KPNA1: variants seen among roughly 807,000 people sequenced by gnomAD.
KPNA1 encodes the protein karyopherin subunit alpha 1, also known as importin subunit alpha-5.
Under a neutral mutation model 70.5 loss-of-function variants are expected in KPNA1, and 10 were observed. The observed-to-expected ratio is 0.14, with a 90% CI of 0.09 to 0.24. The LOEUF (loss-of-function observed/expected upper bound fraction) is 0.24. Ranked by LOEUF, KPNA1 falls within the 10% of genes least tolerant of loss-of-function variation. KPNA1 has a pLI of 1.00. For synonymous variants in KPNA1, 192 were observed against 221.9 expected, an observed-to-expected ratio of 0.87 and a Z score of 1.20; for missense variants, 397 against 637.9, an observed-to-expected ratio of 0.62 and a Z score of 4.07.
chr3:122,446,426 G>A (rs868145240), intron 9 of KPNA1, among the ~76,000 whole-genome samples: 1 of 152,066 alleles, frequency 6.6e-6, no homozygotes, highest in African/African-American at 2.4e-5. Context: ...ATGACTACTG[G>A]GTAAATAACG....
intron 2 of KPNA1, among the ~76,000 whole-genome samples, chr3:122,471,033 T>C (rs961385993): frequency 6.6e-5 from 10 of 152,308 alleles, no homozygotes; most frequent in Non-Finnish European, 1.0e-4. Flanking sequence ...TCTTCCATCA[T>C]TGGTTCAAGG....
intron 1 of KPNA1, among the ~76,000 whole-genome samples, chr3:122,511,377 A>T (rs1467216530): frequency 6.6e-6 from 1 of 152,264 alleles, no homozygotes; most frequent in Non-Finnish European, 1.5e-5. Flanking sequence ...TCTTGTTAAT[A>T]TGAAGGAGAT....
At chr3:122,501,323 G>C (rs1297454863) in intron 1 of KPNA1, among the ~76,000 whole-genome samples, 2 of 152,124 alleles carry the variant, frequency 1.3e-5, no homozygotes, top group Non-Finnish European at 2.9e-5. Context: ...ACCACGCCCA[G>C]CATCCTTTCT....
intron 2 of KPNA1, 22 bp downstream of exon 2, chr3:122,496,415 T>G: frequency 6.2e-7 from 1 of 1,601,024 alleles, no homozygotes; most frequent in Non-Finnish European, 8.5e-7. Flanking sequence ...TTAAAAGAAA[T>G]GAATAAAGGT....
chr3:122,485,213 C>A (rs1323046487), intron 2 of KPNA1, among the ~76,000 whole-genome samples: 1 of 152,026 alleles, frequency 6.6e-6, no homozygotes, highest in Non-Finnish European at 1.5e-5. Context: ...TGCACCCAGA[C>A]CAAAACAATT....
chr3:122,446,733 A>G lies in KPNA1; in HGVS notation c.917+2841T>C, dbSNP rs558120754. The stretch of plus-strand genomic sequence containing the variant: ...CTTCAAAAAAATAAATGAATCCAGG[A>G]GCTGGTGTTTTGAAAAGATCAACAA... On this transcript the variant is annotated intron_variant, in intron 9 of 13. Transcript: ENST00000344337. Among the ~76,000 whole-genome samples the G allele has an allele frequency of 2.2e-3, 337 of 152,362 alleles. 2 individuals are homozygous for G. The highest frequency in any genetic ancestry group is 7.9e-3 in the African/African-American group (328 of 41,584).
intron 12 of KPNA1, chr3:122,432,323 C>G (rs1226555513): frequency 6.6e-6 from 1 of 152,174 alleles, no homozygotes; most frequent in Non-Finnish European, 1.5e-5. Flanking sequence ...CTGAAATAAC[C>G]TGCCCATGAT....
chr3:122,494,298 CTTGAG>C (rs1244524029), intron 2 of KPNA1, among the ~76,000 whole-genome samples: 1 of 152,132 alleles, frequency 6.6e-6, no homozygotes, highest in Non-Finnish European at 1.5e-5. Flanking sequence ...TTGAATCCAT[CTTGAG>C]TTAATTTTTG....
At chr3:122,513,547 T>C (rs1444578474) in intron 1 of KPNA1, among the ~76,000 whole-genome samples, 1 of 152,112 alleles carries the variant, frequency 6.6e-6, no homozygotes. Context: ...GCCTTGCTGG[T>C]GGCATCCGCC....
At chr3:122,475,524 A>C (rs1015136925) in intron 2 of KPNA1, among the ~76,000 whole-genome samples, 18 of 152,218 alleles carry the variant, frequency 1.2e-4, no homozygotes, top group African/African-American at 4.1e-4. Flanking sequence ...GGACCTACAA[A>C]AGACCCCAAA....
At chr3:122,511,254 T>C (rs1559773904) in intron 1 of KPNA1, among the ~76,000 whole-genome samples, 1 of 152,190 alleles carries the variant, frequency 6.6e-6, no homozygotes, top group African/African-American at 2.4e-5. Flanking sequence ...ACCTGCCTTG[T>C]TGCTCACAGA....
chr3:122,433,425 A>G (rs569001968), intron 12 of KPNA1, among the ~76,000 whole-genome samples: 1 of 152,190 alleles, frequency 6.6e-6, no homozygotes, highest in Non-Finnish European at 1.5e-5. Context: ...ATTGTTTTTC[A>G]GCAAAAAGAA....
Position 122,435,181 on chromosome 3 carries a change from T to TAC in KPNA1, c.1123-1395_1123-1394dup, listed in dbSNP as rs376986867. 3.2e-3 allele frequency among the ~76,000 whole-genome samples: 494 copies of TAC among 152,234 alleles called. 3 individuals carry two copies. Among genetic ancestry groups the TAC allele is most frequent in the African/African-American group, 0.011 (475 of 41,530 alleles). On this transcript the variant is annotated intron_variant, in intron 11 of 13. Coordinates refer to ENST00000344337, the MANE Select transcript of KPNA1 (RefSeq NM_002264.4). Reference sequence around the variant, plus strand: ...GGATACAATGTAATGGATGCTTCAATACACACACACAAACACACACACACA... The same window carrying TAC: ...GGATACAATGTAATGGATGCTTCAATACACACACACACAAACACACACACACA...
chr3:122,441,927 G>C, intron 10 of KPNA1, 111 bp downstream of exon 10: 1 of 861,102 alleles, frequency 1.2e-6, no homozygotes. Flanking sequence ...TAGTGTAACA[G>C]AGTATCAAGT....
chr3:122,450,767 G>A (rs2107735562), intron 8 of KPNA1, among the ~76,000 whole-genome samples: 1 of 152,254 alleles, frequency 6.6e-6, no homozygotes, highest in South Asian at 2.1e-4. Flanking sequence ...CTACCCAGAG[G>A]AAAAGAGGTC....
chr3:122,442,013 A>C, intron 10 of KPNA1, 25 bp downstream of exon 10: 10 of 1,551,858 alleles, frequency 6.4e-6, no homozygotes, highest in Non-Finnish European at 7.1e-6. Context: ...TTAAAGGACA[A>C]AAAAAAGTTA....
chr3:122,496,907 T>C (rs2076768336), intron 1 of KPNA1, among the ~76,000 whole-genome samples: 1 of 152,244 alleles, frequency 6.6e-6, no homozygotes, highest in Non-Finnish European at 1.5e-5. Context: ...TCTGATCATG[T>C]TGCCCAGGCT....
At position 122,424,450 on chromosome 3, in the gene KPNA1, C is replaced by A. The variant is rs1278147945; in HGVS notation, c.*2535G>T. On this transcript the variant is annotated 3_prime_UTR_variant, in exon 14 of 14. Coordinates refer to ENST00000344337, the MANE Select transcript of KPNA1 (RefSeq NM_002264.4). ...CTACTTCACTTTTAGCCAATTCCAA[C>A]TTTGATACTTTAAGAAAAAATCATT... 6.6e-6 allele frequency: 1 copy of A among 152,056 alleles called. No homozygotes were observed. Among genetic ancestry groups the A allele is most frequent in the African/African-American group, 2.4e-5 (1 of 41,388 alleles). 9.4% of individuals were successfully genotyped at this position (152,056 alleles called of 1,614,324 possible). A position where few individuals can be genotyped will look rare whatever the true frequency, so the allele number is the denominator to read the frequency against.
chr3:122,450,211 A>G (rs1406747184), intron 8 of KPNA1, among the ~76,000 whole-genome samples: 1 of 152,250 alleles, frequency 6.6e-6, no homozygotes. Context: ...GCAAGAAAAA[A>G]AAATCCCATC....
Sources: allele counts gnomAD v4.1 joint callset (sites outside exome capture counted in the v4.1 genomes callset), GRCh38; gene constraint gnomAD v4.1.1; transcripts MANE v1.5; gene names NCBI Gene and HGNC (gene_info 2026-07-23, HGNC 2026-07-21).